The following AUNIP variants were observed in gnomAD, a reference collection of about 807,000 sequenced individuals.
AUNIP encodes aurora kinase A and ninein interacting protein.
A neutral mutation model predicts 12.2 loss-of-function variants in AUNIP; 16 were observed. The ratio of observed to expected loss-of-function variants is 1.31; its 90% CI spans 0.88 to 1.99. The LOEUF (loss-of-function observed/expected upper bound fraction) is 1.99, where lower values mean the gene tolerates loss of function less well. Ranked by LOEUF, AUNIP falls within the 30% of genes most tolerant of loss-of-function variation. AUNIP has a pLI of 0.00. For synonymous variants in AUNIP, 142 were observed against 154.8 expected, an observed-to-expected ratio of 0.92 and a Z score of 0.61; for missense variants, 411 against 419.1, an observed-to-expected ratio of 0.98 and a Z score of 0.17.
intron 1 of AUNIP, among the ~76,000 whole-genome samples, chr1:25,854,142 G>A (rs1335341233): frequency 6.6e-6 from 1 of 152,030 alleles, no homozygotes; most frequent in Non-Finnish European, 1.5e-5. Context: ...CCCAGCAGGT[G>A]GAGGTTGCAG....
intron 1 of AUNIP, among the ~76,000 whole-genome samples, chr1:25,856,140 G>A (rs994560275): frequency 2.0e-5 from 3 of 151,974 alleles, no homozygotes; most frequent in Non-Finnish European, 4.4e-5. Flanking sequence ...TGAGGCAGGT[G>A]GATCACTTGA....
intron 1 of AUNIP, among the ~76,000 whole-genome samples, chr1:25,854,823 C>T (rs2048449210): frequency 6.6e-6 from 1 of 152,186 alleles, no homozygotes; most frequent in South Asian, 2.1e-4. Context: ...CAAAAGGCCT[C>T]AGCTCCTCAC....
At chr1:25,852,460 G>GTTTTT (rs369193804) in intron 1 of AUNIP, among the ~76,000 whole-genome samples, 1 of 114,128 alleles carries the variant, frequency 8.8e-6, no homozygotes, top group African/African-American at 3.6e-5. Flanking sequence ...TTTTTTTTTT[G>GTTTTT]TTGTTTTTTT....
chr1:25,838,736 T>C (rs2048323173), intron 1 of AUNIP, among the ~76,000 whole-genome samples: 1 of 152,230 alleles, frequency 6.6e-6, no homozygotes, highest in Non-Finnish European at 1.5e-5. Flanking sequence ...ACTATAAATA[T>C]AACCTCATCC....
chr1:25,841,684 C>T (rs1359540911), intron 1 of AUNIP, among the ~76,000 whole-genome samples: 1 of 152,046 alleles, frequency 6.6e-6, no homozygotes, highest in East Asian at 1.9e-4. Context: ...CCACCACGCC[C>T]GGCTAATTTT....
At chr1:25,843,317 A>G (rs968079006) in intron 1 of AUNIP, among the ~76,000 whole-genome samples, 1 of 151,638 alleles carries the variant, frequency 6.6e-6, no homozygotes, top group African/African-American at 2.4e-5. Flanking sequence ...CCATGGATCA[A>G]AGAGTAATTT....
At chr1:25,832,204 T>G, downstream of AUNIP, 1 of 1,520,674 alleles carries the variant, frequency 6.6e-7, no homozygotes, top group East Asian at 2.5e-5. Flanking sequence ...CTTCAAACCC[T>G]AGCAGAAGCT....
chr1:25,840,643 A>T (rs1012028165), intron 1 of AUNIP, among the ~76,000 whole-genome samples: 1 of 152,188 alleles, frequency 6.6e-6, no homozygotes, highest in Non-Finnish European at 1.5e-5. Context: ...ACTTTGAACA[A>T]TAAGGTATGA....
chr1:25,835,181 G>A lies in AUNIP; in HGVS notation c.886C>T (p.Arg296Trp), dbSNP rs760614990. Residue 296 changes from arginine (R) to tryptophan (W), a missense_variant, in exon 3 of 3, where the codon CGG becomes TGG. Arg to Trp is a moderately radical substitution (Grantham distance 101, BLOSUM62 -3). Coordinates refer to ENST00000374298, the MANE Select transcript of AUNIP (RefSeq NM_024037.3). ...GCTCTAGTGTTGTGGGCAATGACCC[G>A]CTGGCCTTGAGAATCTTCAGTGAAA... is the stretch of plus-strand genomic sequence containing the variant. ...QLFTEDSQGQ[R>W]VIAHNTRAPF... is the part of the protein sequence containing the mutation. The A allele has an allele frequency of 1.1e-5, 17 of 1,614,018 alleles. No homozygotes were observed. The highest frequency in any genetic ancestry group is 1.7e-5 in the Admixed American group (1 of 60,006).
intron 1 of AUNIP, among the ~76,000 whole-genome samples, chr1:25,839,575 T>C (rs2048334510): frequency 6.6e-6 from 1 of 152,208 alleles, no homozygotes; most frequent in Non-Finnish European, 1.5e-5. Flanking sequence ...GCAAAAACTA[T>C]TCCAAACACT....
At chr1:25,858,332 G>A (rs960323099) in intron 1 of AUNIP, among the ~76,000 whole-genome samples, 15 of 152,140 alleles carry the variant, frequency 9.9e-5, no homozygotes, top group African/African-American at 3.4e-4. Context: ...ACTCAATAAA[G>A]GTTAGGTATT....
rs780081688 is a variant in AUNIP at position 25,837,419 on chromosome 1, G to A, written c.214C>T (p.Gln72Ter). The A allele has an allele frequency of 8.1e-6, 13 of 1,613,248 alleles. No homozygotes were observed. The highest frequency in any genetic ancestry group is 1.0e-5 in the Non-Finnish European group (12 of 1,179,660). ...CCCATATGGGTCACCATACCTGGCT[G>A]CAAGGTGAAGAAGGAAGCAATGCTT... ...QRSIASFFTL[Q>*]PGKTNGSDQK... The change falls in exon 2 of 3, where the codon CAG (glutamine) becomes TAG (stop). Residue 72 changes from glutamine to a stop codon, truncating the protein, a stop_gained. Coordinates refer to ENST00000374298, the MANE Select transcript of AUNIP (RefSeq NM_024037.3). LOFTEE classifies it low-confidence loss of function (END_TRUNC).
intron 1 of AUNIP, among the ~76,000 whole-genome samples, chr1:25,851,328 C>T (rs1264481999): frequency 3.9e-5 from 6 of 152,110 alleles, no homozygotes; most frequent in Non-Finnish European, 8.8e-5. Context: ...ACCATAATTT[C>T]CTTTTCTTGT....
At chr1:25,837,660 T>C in intron 1 of AUNIP, 106 bp from the exon 2 acceptor site, 1 of 1,146,506 alleles carries the variant, frequency 8.7e-7, no homozygotes, top group East Asian at 2.4e-5. Context: ...CTAGATCCTC[T>C]GTACTCCACT....
rs543822645 is a variant in AUNIP, at chr1:25,835,569, A to G, written c.498T>C (p.Asp166=). The G allele has an allele frequency of 6.2e-6, 10 of 1,614,122 alleles. No individual in the cohort carries two copies. The highest frequency in any genetic ancestry group is 1.7e-5 in the Admixed American group (1 of 60,004). ...AGGAAAAAGCCAGTGGGGTATGACT[A>G]TCTCCAGCACAGTCTGGAGTATCAG... The part of the protein sequence containing the change: ...LQPDTPDCAG[D]SHTPLAFSFT... Residue 166 remains aspartate, a synonymous_variant, in exon 3 of 3, where the codon GAT becomes GAC. Transcript: ENST00000374298.
At chr1:25,832,977 A>C (rs1193180536), downstream of AUNIP, 2 of 152,222 alleles carry the variant, frequency 1.3e-5, no homozygotes, top group African/African-American at 4.8e-5. Flanking sequence ...GCGATTACCC[A>C]GTATCCTTCA....
intron 2 of AUNIP, among the ~76,000 whole-genome samples, chr1:25,836,993 A>G (rs1038956261): frequency 1.1e-4 from 16 of 152,224 alleles, no homozygotes; most frequent in Non-Finnish European, 1.5e-4. Context: ...GAGGCTAAGA[A>G]AAAGCATCTT....
At chr1:25,848,121 A>G (rs2048397141) in intron 1 of AUNIP, among the ~76,000 whole-genome samples, 1 of 152,136 alleles carries the variant, frequency 6.6e-6, no homozygotes, top group Non-Finnish European at 1.5e-5. Context: ...TTCTTAAGAG[A>G]TAGCTCCCAT....
At chr1:25,845,731 C>T (rs2048378976) in intron 1 of AUNIP, among the ~76,000 whole-genome samples, 1 of 152,136 alleles carries the variant, frequency 6.6e-6, no homozygotes, top group African/African-American at 2.4e-5. Flanking sequence ...GGTAGATATG[C>T]AGGAAGGATT....
Sources: allele counts gnomAD v4.1 joint callset (sites outside exome capture counted in the v4.1 genomes callset), GRCh38; gene constraint gnomAD v4.1.1; transcripts MANE v1.5; gene names NCBI Gene and HGNC (gene_info 2026-07-23, HGNC 2026-07-21).